EDNRB: variants seen among roughly 807,000 people sequenced by gnomAD.
The protein encoded by EDNRB is endothelin receptor type B, also known as Hirschsprung disease 2.
Under a neutral mutation model 46.4 loss-of-function variants are expected in EDNRB, and 18 were observed. The ratio of observed to expected loss-of-function variants is 0.39; its 90% CI spans 0.27 to 0.57. The LOEUF is 0.57. Among genes scored for constraint, EDNRB ranks in the 20% least tolerant of loss-of-function variants. The pLI, the probability that EDNRB is intolerant of heterozygous loss-of-function variation, is 0.61. For missense variants in EDNRB, 434 were observed against 537.5 expected (o/e 0.81, Z 1.90); for synonymous variants, 213 against 204.9 (o/e 1.04, Z -0.34).
At chr13:77,911,429 G>A (rs1182674430) in intron 1 of EDNRB, among the ~76,000 whole-genome samples, 1 of 152,062 alleles carries the variant, frequency 6.6e-6, no homozygotes, top group African/African-American at 2.4e-5. Context: ...CACACTGAGT[G>A]AGTGGGAAGA....
chr13:77,902,245 C>T (rs1254982217), intron 3 of EDNRB, among the ~76,000 whole-genome samples: 1 of 151,968 alleles, frequency 6.6e-6, no homozygotes, highest in Non-Finnish European at 1.5e-5. Flanking sequence ...CTGACAACTA[C>T]TGGGCTATCT....
chr13:77,943,030 A>G (rs1479267234), intron 1 of EDNRB, among the ~76,000 whole-genome samples: 1 of 152,136 alleles, frequency 6.6e-6, no homozygotes, highest in African/African-American at 2.4e-5. Flanking sequence ...TTAAGGCAAT[A>G]TCAGTCTAAA....
At chr13:77,919,469 G>T (rs1245499470), upstream of EDNRB, 2 of 1,612,832 alleles carry the variant, frequency 1.2e-6, no homozygotes, top group Non-Finnish European at 1.7e-6. Flanking sequence ...ACCCAGCTGG[G>T]TTCCAGCCTG....
chr13:77,944,449 A>G (rs1331615233), intron 1 of EDNRB, among the ~76,000 whole-genome samples: 2 of 149,168 alleles, frequency 1.3e-5, no homozygotes, highest in Non-Finnish European at 3.0e-5. Flanking sequence ...TCCTCCCTTC[A>G]TGCATTATAT....
intron 1 of EDNRB, among the ~76,000 whole-genome samples, chr13:77,957,947 C>T (rs910904455): frequency 1.3e-5 from 2 of 152,118 alleles, no homozygotes; most frequent in Non-Finnish European, 2.9e-5. Flanking sequence ...TTTGTTTTTG[C>T]TATATGTTAG....
chr13:77,963,014 T>C (rs61963151), intron 1 of EDNRB, among the ~76,000 whole-genome samples: 12,522 of 152,156 alleles, frequency 0.082, 709 homozygotes, highest in Non-Finnish European at 0.12. Context: ...TGAACTCCCA[T>C]TCACAATTGC....
In EDNRB at chr13:77,910,155, T is replaced by C. The variant is rs571648957; in HGVS notation, c.484-6548A>G. Among the ~76,000 whole-genome samples the C allele has an allele frequency of 2.6e-5, 4 of 152,086 alleles. No individual in the cohort carries two copies. The South Asian group carries it at 8.3e-4, about 32-fold the overall frequency. On this transcript the variant is annotated intron_variant, in intron 1 of 6. Transcript: ENST00000646607. ...GTAGATGCAGTAAACATAGGAGCAT[T>C]GTAAGAGATGATTGTTTTAGAGGAT...
At chr13:77,929,610 A>G (rs1880331892) in intron 1 of EDNRB, among the ~76,000 whole-genome samples, 1 of 152,174 alleles carries the variant, frequency 6.6e-6, no homozygotes, top group East Asian at 1.9e-4. Context: ...CTGAAAACCC[A>G]TTTGTACAAG....
At chr13:77,970,566 CA>C (rs1881699515) in intron 1 of EDNRB, among the ~76,000 whole-genome samples, 3 of 152,046 alleles carry the variant, frequency 2.0e-5, no homozygotes, top group Non-Finnish European at 1.5e-5. Context: ...ATAATTCTCT[CA>C]GGGGGCTATT....
chr13:77,937,541 C>A (rs1880602526), intron 1 of EDNRB, among the ~76,000 whole-genome samples: 1 of 152,118 alleles, frequency 6.6e-6, no homozygotes. Flanking sequence ...GCTGACTGAT[C>A]TGAGAGAGGT....
Position 77,897,934 on chromosome 13 carries a change from T to A in EDNRB, c.*266A>T. On this transcript the variant is annotated 3_prime_UTR_variant, in exon 7 of 7. Coordinates refer to ENST00000646607, the MANE Select transcript of EDNRB (RefSeq NM_001122659.3). The stretch of plus-strand genomic sequence containing the variant: ...GTTGTGTGAATATCCTGGAAGTTGT[T>A]AAGAGCTATGTTGAAGTGCTAACTG... The A allele has an allele frequency of 8.3e-7, 1 of 1,202,408 alleles. No homozygotes were observed. The highest frequency in any genetic ancestry group is 1.0e-6 in the Non-Finnish European group (1 of 959,968). The allele number at this position is 1,202,408 out of a possible 1,614,324, so 74.5% of individuals were successfully genotyped here.
intron 1 of EDNRB, among the ~76,000 whole-genome samples, chr13:77,973,614 G>A (rs951170147): frequency 1.3e-5 from 2 of 151,716 alleles, no homozygotes; most frequent in African/African-American, 4.8e-5. Flanking sequence ...TTTAATGTAG[G>A]TAAAACTTTA....
chr13:77,896,603 C>T lies in EDNRB; in HGVS notation c.*1597G>A, dbSNP rs1878639257. The T allele has an allele frequency of 6.5e-6, 10 of 1,541,204 alleles. No homozygotes were observed. The South Asian group carries it at 1.2e-4, about 19-fold the overall frequency. On this transcript the variant is annotated 3_prime_UTR_variant, in exon 7 of 7. Transcript: ENST00000646607. ...GTAAAAATTTGGGCATATTTTAAGA[C>T]CGAGTTAAAGCTCTTGGGCCCAATT...
intron 1 of EDNRB, among the ~76,000 whole-genome samples, chr13:77,945,854 T>A (rs1175846932): frequency 8.6e-6 from 1 of 116,684 alleles, no homozygotes; most frequent in South Asian, 2.6e-4. Context: ...TTCAAGAAAA[T>A]ACTCTAAGCC....
intron 1 of EDNRB, among the ~76,000 whole-genome samples, chr13:77,917,110 G>A (rs1055296316): frequency 6.6e-6 from 1 of 152,114 alleles, no homozygotes; most frequent in Admixed American, 6.5e-5. Flanking sequence ...AACCCTTACA[G>A]ATTTTGAGTG....
At chr13:77,904,606 G>GTT (rs1008487306) in intron 1 of EDNRB, among the ~76,000 whole-genome samples, 3 of 151,630 alleles carry the variant, frequency 2.0e-5, no homozygotes, top group African/African-American at 7.3e-5. Flanking sequence ...CACATAGTAT[G>GTT]TTATATATAT....
At position 77,897,297 on chromosome 13, in the gene EDNRB, C is replaced by T. The variant is rs9600947; in HGVS notation, c.*903G>A. On this transcript the variant is annotated 3_prime_UTR_variant, in exon 7 of 7. Coordinates refer to ENST00000646607, the MANE Select transcript of EDNRB (RefSeq NM_001122659.3). Reference sequence around the variant, plus strand: ...ACAAAACCAAACAGAGTTTAAGCTACGATAGTGAAAGAAGAAGATTTTAAT... The same window carrying T: ...ACAAAACCAAACAGAGTTTAAGCTATGATAGTGAAAGAAGAAGATTTTAAT... 0.018 allele frequency: 17,359 copies of T among 984,998 alleles called. 197 individuals carry two copies. Among genetic ancestry groups the T allele is most frequent in the South Asian group, 0.031 (655 of 21,268 alleles). 61.0% of individuals were successfully genotyped at this position (984,998 alleles called of 1,614,324 possible).
At chr13:77,931,418 G>T (rs779772176) in intron 1 of EDNRB, among the ~76,000 whole-genome samples, 7 of 152,108 alleles carry the variant, frequency 4.6e-5, no homozygotes, top group Non-Finnish European at 8.8e-5. Flanking sequence ...ATTTTTGTAT[G>T]ATATAATCCA....
chr13:77,954,857 A>G (rs753888079), intron 1 of EDNRB, among the ~76,000 whole-genome samples: 2 of 152,060 alleles, frequency 1.3e-5, no homozygotes, highest in Non-Finnish European at 2.9e-5. Flanking sequence ...AAATTTCTGT[A>G]TCCTTCATTT....
Sources: allele counts gnomAD v4.1 joint callset (sites outside exome capture counted in the v4.1 genomes callset), GRCh38; gene constraint gnomAD v4.1.1; transcripts MANE v1.5; gene names NCBI Gene and HGNC (gene_info 2026-07-23, HGNC 2026-07-21).